GRIA1: variants seen among roughly 807,000 people sequenced by gnomAD.
GRIA1 encodes glutamate ionotropic receptor AMPA type subunit 1.
GRIA1 carries 31 observed loss-of-function variants against 99.2 expected under a neutral mutation model. That is an observed-to-expected ratio of 0.31 (90% confidence interval 0.23 to 0.42). The LOEUF is 0.42. Among genes scored for constraint, GRIA1 ranks in the 10% least tolerant of loss-of-function variants. GRIA1 has a pLI of 1.00. For synonymous variants in GRIA1, 438 were observed against 432.4 expected (o/e 1.01, Z -0.16); for missense variants, 782 against 1,157.5 (o/e 0.68, Z 4.71).
At chr5:153,771,990 A>T (rs1446078501) in intron 13 of GRIA1, among the ~76,000 whole-genome samples, 1 of 152,228 alleles carries the variant, frequency 6.6e-6, no homozygotes, top group African/African-American at 2.4e-5. Context: ...AAAGAAAAAA[A>T]TTGAGTCTGC....
In GRIA1 at chr5:153,811,216, G is replaced by A. The variant is rs936072415; in HGVS notation, c.2712G>A (p.Thr904=). 11 of 1,613,538 alleles carry A rather than the reference G, an allele frequency of 6.8e-6. No homozygotes were observed. The highest frequency in any genetic ancestry group is 1.3e-5 in the African/African-American group (1 of 74,890). ...SHSSGMPLGA[T]GL is the part of the protein sequence containing the mutation. The stretch of plus-strand genomic sequence containing the variant: ...GTTCAGGGATGCCCTTGGGAGCCAC[G>A]GGATTGTAACTGGAGCAGATGGAGA... Residue 904 remains threonine (T), a synonymous_variant, in exon 16 of 16, where the codon ACG becomes ACA. Transcript: ENST00000285900.
chr5:153,778,531 C>T (rs1192589109), intron 13 of GRIA1, among the ~76,000 whole-genome samples: 1 of 152,002 alleles, frequency 6.6e-6, no homozygotes, highest in East Asian at 1.9e-4. Flanking sequence ...ATAATTCAAC[C>T]TGATTCCAGA....
intron 14 of GRIA1, among the ~76,000 whole-genome samples, chr5:153,801,679 A>G (rs1003346151): frequency 8.5e-5 from 13 of 152,200 alleles, no homozygotes; most frequent in African/African-American, 3.1e-4. Flanking sequence ...AAGCATAATT[A>G]TTAAGATTTA....
intron 13 of GRIA1, among the ~76,000 whole-genome samples, chr5:153,784,535 T>A (rs1372307045): frequency 6.6e-6 from 1 of 152,188 alleles, no homozygotes; most frequent in East Asian, 1.9e-4. Context: ...TTGAGTATAC[T>A]CAAGAGGGGA....
intron 15 of GRIA1, 78 bp from the exon 16 acceptor site, chr5:153,810,947 T>C (rs975457021): frequency 1.0e-6 from 1 of 985,788 alleles, no homozygotes; most frequent in Non-Finnish European, 1.6e-6. Context: ...GATTTACATT[T>C]GAAGTCCAGT....
Position 153,782,323 on chromosome 5 carries a change from A to G in GRIA1, c.2270+11908A>G, listed in dbSNP as rs536280857. ...AAGTTCAGAGTCTATGCTCTTATCA[A>G]TCACACAATGCTATAAATGAAAGCT... On this transcript the variant is annotated intron_variant, in intron 13 of 15. Coordinates refer to ENST00000285900, the MANE Select transcript of GRIA1 (RefSeq NM_000827.4). Among the ~76,000 whole-genome samples the G allele has an allele frequency of 7.9e-5, 12 of 152,336 alleles. 1 individual carries two copies. The highest frequency in any genetic ancestry group is 7.8e-4 in the Admixed American group (12 of 15,304).
intron 2 of GRIA1, among the ~76,000 whole-genome samples, chr5:153,645,230 T>C (rs1053867086): frequency 6.6e-6 from 1 of 152,044 alleles, no homozygotes; most frequent in African/African-American, 2.4e-5. Flanking sequence ...TAACTAGAAG[T>C]ATGCAAGCAG....
intron 13 of GRIA1, among the ~76,000 whole-genome samples, chr5:153,785,580 G>C (rs1033048248): frequency 2.0e-5 from 3 of 151,992 alleles, no homozygotes; most frequent in African/African-American, 7.2e-5. Flanking sequence ...TACAAACAAA[G>C]GTCTGTCCTT....
chr5:153,783,648 G>T (rs1764781830), intron 13 of GRIA1, among the ~76,000 whole-genome samples: 1 of 152,202 alleles, frequency 6.6e-6, no homozygotes, highest in Non-Finnish European at 1.5e-5. Context: ...ATTTTAAACT[G>T]CTGTGCAGTT....
At chr5:153,515,259 G>A (rs1376998824) in intron 2 of GRIA1, among the ~76,000 whole-genome samples, 1 of 152,126 alleles carries the variant, frequency 6.6e-6, no homozygotes, top group African/African-American at 2.4e-5. Context: ...ATAAAAAAAT[G>A]TGGTATTGCT....
chr5:153,775,768 A>G (rs1288640918), intron 13 of GRIA1, among the ~76,000 whole-genome samples: 3 of 148,730 alleles, frequency 2.0e-5, no homozygotes, highest in Non-Finnish European at 4.5e-5. Flanking sequence ...AAAAAAAAAA[A>G]GGAGGAGAGT....
chr5:153,635,262 G>A (rs989905870), intron 2 of GRIA1, among the ~76,000 whole-genome samples: 3 of 152,166 alleles, frequency 2.0e-5, no homozygotes, highest in South Asian at 2.1e-4. Context: ...TTCATTTAAC[G>A]GATGATTTAC....
intron 2 of GRIA1, among the ~76,000 whole-genome samples, chr5:153,646,531 G>A (rs1179396487): frequency 6.6e-6 from 1 of 152,142 alleles, no homozygotes; most frequent in Non-Finnish European, 1.5e-5. Flanking sequence ...AAATGACCCA[G>A]TCATCCCTTT....
intron 11 of GRIA1, among the ~76,000 whole-genome samples, chr5:153,743,106 A>T (rs1761923674): frequency 6.6e-6 from 1 of 152,198 alleles, no homozygotes; most frequent in Non-Finnish European, 1.5e-5. Flanking sequence ...TTTATTCTTA[A>T]CTGCCTCTTC....
chr5:153,787,914 A>C (rs1765068483), intron 13 of GRIA1, among the ~76,000 whole-genome samples: 1 of 152,036 alleles, frequency 6.6e-6, no homozygotes, highest in East Asian at 1.9e-4. Flanking sequence ...CCCCGTCTCT[A>C]CTAAAAATAC....
chr5:153,593,120 A>G (rs1764119098), intron 2 of GRIA1, among the ~76,000 whole-genome samples: 1 of 152,156 alleles, frequency 6.6e-6, no homozygotes, highest in Admixed American at 6.5e-5. Flanking sequence ...ACAAAAAATT[A>G]GCCTGGCTTG....
chr5:153,526,331 A>G (rs537166892), intron 2 of GRIA1, among the ~76,000 whole-genome samples: 2 of 152,342 alleles, frequency 1.3e-5, no homozygotes, highest in East Asian at 1.9e-4. Context: ...TAACTGCAGC[A>G]TATCAGCAAA....
At chr5:153,774,409 T>A (rs1352891879) in intron 13 of GRIA1, among the ~76,000 whole-genome samples, 6 of 152,172 alleles carry the variant, frequency 3.9e-5, no homozygotes, top group African/African-American at 1.4e-4. Context: ...AATACTTTTT[T>A]AAAGGACTGT....
At chr5:153,721,281 G>A (rs1311053105) in intron 11 of GRIA1, among the ~76,000 whole-genome samples, 3 of 152,062 alleles carry the variant, frequency 2.0e-5, no homozygotes, top group Non-Finnish European at 4.4e-5. Flanking sequence ...AACACATTGA[G>A]CAAACAAAGG....
Sources: gnomAD v4.1 joint callset for allele counts (sites outside exome capture counted in the v4.1 genomes callset) on GRCh38, gnomAD v4.1.1 for gene constraint, MANE v1.5 for transcripts, NCBI Gene and HGNC (gene_info 2026-07-23, HGNC 2026-07-21) for gene names.